ZBTB7B: variants seen among roughly 807,000 people sequenced by gnomAD.
ZBTB7B encodes zinc finger and BTB domain containing 7B.
Under a neutral mutation model 31.0 loss-of-function variants are expected in ZBTB7B, and 8 were observed. The ratio of observed to expected loss-of-function variants is 0.26; its 90% CI spans 0.15 to 0.47. ZBTB7B has a LOEUF of 0.47. Among genes scored for constraint, ZBTB7B ranks in the 20% least tolerant of loss-of-function variants. The pLI is 0.99. For missense variants in ZBTB7B, 494 were observed against 742.4 expected (o/e 0.67, Z 3.89); for synonymous variants, 261 against 307.3 (o/e 0.85, Z 1.58).
Position 155,015,119 on chromosome 1 carries a change from G to C in ZBTB7B, c.459G>C (p.Glu153Asp). The part of the protein sequence containing the change: ...GSGLEAPSPD[E>D]DDCERARQYL... ...GGCTAGAAGCTCCCAGCCCGGACGA[G>C]GATGACTGTGAGCGAGCCCGCCAGT... The change falls in exon 2 of 3, where the codon GAG becomes GAC. Residue 153 changes from glutamate to aspartate, a missense_variant. Around this residue, in one of 5 missense-constraint regions of ZBTB7B, gnomAD observed 90 missense variants for 143.2 expected, o/e 0.63. Coordinates refer to ENST00000535420, the MANE Select transcript of ZBTB7B (RefSeq NM_001256455.2). 2 of 1,613,522 alleles carry C rather than the reference G, an allele frequency of 1.2e-6. No individual in the cohort carries two copies. The highest frequency in any genetic ancestry group is 1.7e-6 in the Non-Finnish European group (2 of 1,180,010).
Position 155,016,511 on chromosome 1 carries a change from T to C in ZBTB7B, c.1446T>C (p.Ala482=), listed in dbSNP as rs761959889. The C allele has an allele frequency of 5.5e-5, 88 of 1,613,952 alleles. No individual in the cohort carries two copies. Among genetic ancestry groups the C allele is most frequent in the Non-Finnish European group, 7.2e-5 (85 of 1,179,958 alleles). Residue 482 remains alanine, a synonymous_variant, in exon 3 of 3, where the codon GCT becomes GCC. Coordinates refer to ENST00000535420, the MANE Select transcript of ZBTB7B (RefSeq NM_001256455.2). The surrounding 1 kb of genome is among the most constrained non-coding windows in gnomAD (Gnocchi z 4.3). Reference sequence around the variant, plus strand: ...CCTCTACCGCTGCTGCATCCCCCGCTGGCCTCGACCTCTCCAATGGCCACC... The same window carrying C: ...CCTCTACCGCTGCTGCATCCCCCGCCGGCCTCGACCTCTCCAATGGCCACC... ...PPPSTAAASP[A]GLDLSNGHLD...
rs904434163 is a variant in ZBTB7B at position 155,016,143 on chromosome 1, G to T, written c.1155-77G>T. The stretch of plus-strand genomic sequence containing the variant: ...TGGTGAGGAACAGGGATGGGACAAG[G>T]CCAGGGTGGGATGACCAGGAGGAGC... On this transcript the variant is annotated intron_variant, in intron 2 of 2. Coordinates refer to ENST00000535420, the MANE Select transcript of ZBTB7B (RefSeq NM_001256455.2). This position sits in a 1 kb window ranked among gnomAD's most constrained non-coding sequence, Gnocchi z 4.3. 1.3e-6 allele frequency: 2 copies of T among 1,483,254 alleles called. No individual in the cohort carries two copies. Among genetic ancestry groups the T allele is most frequent in the Non-Finnish European group, 9.3e-7 (1 of 1,080,972 alleles). The allele number at this position is 1,483,254 out of a possible 1,614,324, so 91.9% of individuals were successfully genotyped here. A position where few individuals can be genotyped will look rare whatever the true frequency, so the allele number is the denominator to read the frequency against.
rs146256139 is a variant in ZBTB7B, at chr1:155,008,952, C to T, written c.-6-5703C>T. Among the ~76,000 whole-genome samples the T allele has an allele frequency of 3.0e-3, 463 of 152,328 alleles. 8 individuals are homozygous for T. The highest frequency in any genetic ancestry group is 0.013 in the East Asian group (67 of 5,174). ...GTCCCAACCTGCTGCCCCCAGGGGC[C>T]AGGAGGAGTTGCCGCCAGGCCCCTC... On this transcript the variant is annotated intron_variant, in intron 1 of 2. Transcript: ENST00000535420.
chr1:155,015,920 G>A (rs1291377606), intron 2 of ZBTB7B, 106 bp downstream of exon 2: 4 of 1,391,966 alleles, frequency 2.9e-6, no homozygotes, highest in Non-Finnish European at 3.9e-6. Context: ...AGGTGGTCCT[G>A]GAGGGACTGG....
chr1:155,015,922 AG>A, intron 2 of ZBTB7B, 108 bp downstream of exon 2: 1 of 1,392,468 alleles, frequency 7.2e-7, no homozygotes, highest in Non-Finnish European at 9.8e-7. Context: ...GTGGTCCTGG[AG>A]GGACTGGGGC....
intron 1 of ZBTB7B, chr1:155,010,149 A>G (rs987957572): frequency 6.6e-6 from 1 of 152,384 alleles, no homozygotes; most frequent in African/African-American, 2.4e-5. Flanking sequence ...TTCCTCCGCC[A>G]TCTTTTATCT....
chr1:155,005,761 G>A (rs1005248457), intron 1 of ZBTB7B, among the ~76,000 whole-genome samples: 1 of 152,190 alleles, frequency 6.6e-6, no homozygotes. Context: ...GGGTGTGCCC[G>A]CCCTGGCCTC....
In ZBTB7B at chr1:155,014,892, G is replaced by C; in HGVS notation, c.232G>C (p.Gly78Arg). The change falls in exon 2 of 3, where the codon GGG becomes CGG. Residue 78 changes from glycine to arginine, a missense_variant. Coordinates refer to ENST00000535420, the MANE Select transcript of ZBTB7B (RefSeq NM_001256455.2). ...AGCTGTCATGGGGGCCGGGGGTAGCGGGACGGCCACTGGGGGAGCAGGGGC... is the reference window on the plus strand; with the variant it reads ...AGCTGTCATGGGGGCCGGGGGTAGCCGGACGGCCACTGGGGGAGCAGGGGC... ...GGAVMGAGGS[G>R]TATGGAGAGV... The C allele has an allele frequency of 1.2e-6, 2 of 1,613,994 alleles. No homozygotes were observed. Among genetic ancestry groups the C allele is most frequent in the Non-Finnish European group, 1.7e-6 (2 of 1,179,984 alleles).
intron 1 of ZBTB7B, among the ~76,000 whole-genome samples, chr1:155,005,037 C>T (rs900492771): frequency 6.6e-6 from 1 of 151,814 alleles, no homozygotes; most frequent in Non-Finnish European, 1.5e-5. Flanking sequence ...GGTGCTGTCC[C>T]CTTCTTCTTC....
chr1:155,018,193 T>G lies in ZBTB7B; in HGVS notation c.*1508T>G. On this transcript the variant is annotated 3_prime_UTR_variant, in exon 3 of 3. Coordinates refer to ENST00000535420, the MANE Select transcript of ZBTB7B (RefSeq NM_001256455.2). ...ACAGCTGCCCAGGTACCCCTAACAGTGGGGAGGGGTCACAGGGAGGGGGTA... is the reference window on the plus strand; with the variant it reads ...ACAGCTGCCCAGGTACCCCTAACAGGGGGGAGGGGTCACAGGGAGGGGGTA... The G allele has an allele frequency of 1.2e-5, 3 of 258,684 alleles. No homozygotes were observed. The highest frequency in any genetic ancestry group is 5.1e-5 in the Admixed American group (1 of 19,796). 16.0% of individuals were successfully genotyped at this position (258,684 alleles called of 1,614,324 possible).
intron 1 of ZBTB7B, among the ~76,000 whole-genome samples, chr1:155,010,619 C>A (rs1658889857): frequency 1.3e-5 from 2 of 152,148 alleles, no homozygotes; most frequent in Admixed American, 6.5e-5. Context: ...CAGATGGCTG[C>A]AGCTCCTGGG....
chr1:155,002,363 A>G (rs1340714838), upstream of ZBTB7B, among the ~76,000 whole-genome samples: 1 of 148,718 alleles, frequency 6.7e-6, no homozygotes, highest in African/African-American at 2.5e-5. Flanking sequence ...CGGCAGGTGA[A>G]GGGAGACAGA....
In ZBTB7B at chr1:155,003,477, T is replaced by TAACTA. The variant is rs1374643296; in HGVS notation, c.-7+534_-7+535insAACTA. The stretch of plus-strand genomic sequence containing the variant: ...GAAAGTTACCGGCTGGACTATTCGG[T>TAACTA]TTCTTGCGCTTCCAGAGCCGCGCTC... On this transcript the variant is annotated intron_variant, in intron 1 of 2. Transcript: ENST00000535420. This position sits in a 1 kb window ranked among gnomAD's most constrained non-coding sequence, Gnocchi z 5.8. Among the ~76,000 whole-genome samples, 1 of 151,822 alleles carries TAACTA rather than the reference T, an allele frequency of 6.6e-6. No individual in the cohort carries two copies. The highest frequency in any genetic ancestry group is 1.5e-5 in the Non-Finnish European group (1 of 67,926).
At chr1:155,013,369 A>G (rs1191339679) in intron 1 of ZBTB7B, among the ~76,000 whole-genome samples, 1 of 152,184 alleles carries the variant, frequency 6.6e-6, no homozygotes, top group Non-Finnish European at 1.5e-5. Flanking sequence ...CAGACCCACA[A>G]AATGTCAGGG....
In ZBTB7B at chr1:155,014,998, C is replaced by A. The variant is rs1469380868; in HGVS notation, c.338C>A (p.Thr113Asn). 6.2e-7 allele frequency: 1 copy of A among 1,613,880 alleles called. No homozygotes were observed. Among genetic ancestry groups the A allele is most frequent in the Non-Finnish European group, 8.5e-7 (1 of 1,180,030 alleles). Residue 113 changes from threonine (T) to asparagine (N), a missense_variant, in exon 2 of 3, where the codon ACC (threonine) becomes AAC (asparagine). Thr to Asn is a moderately conservative substitution (Grantham distance 65). Coordinates refer to ENST00000535420, the MANE Select transcript of ZBTB7B (RefSeq NM_001256455.2). ...LEFAYTATLT[T>N]SSANMPAVLQ... The stretch of plus-strand genomic sequence containing the variant: ...TTTGCCTATACAGCCACACTGACCA[C>A]CAGCAGCGCCAACATGCCAGCTGTG...
At position 155,004,923 on chromosome 1, in the gene ZBTB7B, G is replaced by A. The variant is rs1388726946; in HGVS notation, c.-7+1980G>A. ...GAATGGGGCTCTGGGGAAGAAAGAA[G>A]GCAGTGCCCACTAGGCTCAGGTGTC... On this transcript the variant is annotated intron_variant, in intron 1 of 2. Transcript: ENST00000535420. The surrounding 1 kb of genome is among the most constrained non-coding windows in gnomAD (Gnocchi z 4.0). Among the ~76,000 whole-genome samples the A allele has an allele frequency of 6.6e-6, 1 of 152,200 alleles. No homozygotes were observed. The highest frequency in any genetic ancestry group is 1.5e-5 in the Non-Finnish European group (1 of 68,018).
chr1:155,005,213 G>T (rs2102272215), intron 1 of ZBTB7B, among the ~76,000 whole-genome samples: 1 of 152,110 alleles, frequency 6.6e-6, no homozygotes, highest in East Asian at 1.9e-4. Flanking sequence ...GGCCCAGCAG[G>T]CATGGGGGGC....
chr1:155,008,996 C>A (rs1468540672), intron 1 of ZBTB7B, among the ~76,000 whole-genome samples: 1 of 152,226 alleles, frequency 6.6e-6, no homozygotes, highest in East Asian at 1.9e-4. Context: ...GGTGAGTAGG[C>A]CCTGCTCTGG....
rs542710366 is a variant in ZBTB7B, at chr1:155,003,242, G to C, written c.-7+299G>C. On this transcript the variant is annotated intron_variant, in intron 1 of 2. Coordinates refer to ENST00000535420, the MANE Select transcript of ZBTB7B (RefSeq NM_001256455.2). This position sits in a 1 kb window ranked among gnomAD's most constrained non-coding sequence, Gnocchi z 5.8. ...ACAGACGGCTTCGGGATGGAGAGGGGGTGAGGCGACGCTGAGCGTTCCCCC... is the reference window on the plus strand; with the variant it reads ...ACAGACGGCTTCGGGATGGAGAGGGCGTGAGGCGACGCTGAGCGTTCCCCC... Among the ~76,000 whole-genome samples the C allele has an allele frequency of 1.3e-5, 2 of 152,338 alleles. No homozygotes were observed. The highest frequency in any genetic ancestry group is 4.1e-4 in the South Asian group (2 of 4,828).
Sources: gnomAD v4.1 joint callset for allele counts (sites outside exome capture counted in the v4.1 genomes callset) on GRCh38, gnomAD v4.1.1 for gene constraint, gnomAD v4.1.1 regional missense constraint, Gnocchi (gnomAD v3.1) non-coding constraint, MANE v1.5 for transcripts, NCBI Gene and HGNC (gene_info 2026-07-23, HGNC 2026-07-21) for gene names.